Variants in TRHDE observed in about 807,000 individuals in gnomAD.
TRHDE encodes the protein thyrotropin-releasing hormone-degrading ectoenzyme.
Under a neutral mutation model 125.7 loss-of-function variants are expected in TRHDE, and 72 were observed. That is an observed-to-expected ratio of 0.57 (90% CI 0.47 to 0.70). The LOEUF (loss-of-function observed/expected upper bound fraction) is 0.70. Ranked by LOEUF, TRHDE falls within the 30% of genes least tolerant of loss-of-function variation. The pLI is 0.00. For synonymous variants in TRHDE, 509 were observed against 509.1 expected, an observed-to-expected ratio of 1.00 and a Z score of 0.00; for missense variants, 1,110 against 1,327.1, an observed-to-expected ratio of 0.84 and a Z score of 2.54.
intron 2 of TRHDE, among the ~76,000 whole-genome samples, chr12:72,108,649 GTAT>G (rs1409267122): frequency 6.6e-6 from 1 of 152,068 alleles, no homozygotes; most frequent in African/African-American, 2.4e-5. Flanking sequence ...GCAGTGACAG[GTAT>G]TTGCGAGAAC....
intron 2 of TRHDE, among the ~76,000 whole-genome samples, chr12:72,161,720 A>T (rs943894406): frequency 6.6e-6 from 1 of 152,124 alleles, no homozygotes; most frequent in Admixed American, 6.5e-5. Context: ...TAGGGAGAGG[A>T]TTGGTTTATT....
intron 2 of TRHDE, among the ~76,000 whole-genome samples, chr12:72,363,225 C>T (rs1191020271): frequency 1.3e-5 from 2 of 151,834 alleles, no homozygotes; most frequent in Non-Finnish European, 2.9e-5. Context: ...CCTTCTGAAA[C>T]TATTCCAATC....
At chr12:72,413,612 G>A (rs1873607360) in intron 3 of TRHDE, among the ~76,000 whole-genome samples, 2 of 151,422 alleles carry the variant, frequency 1.3e-5, no homozygotes, top group Admixed American at 6.6e-5. Context: ...AATGTCAATC[G>A]AGCCTATTTT....
intron 2 of TRHDE, among the ~76,000 whole-genome samples, chr12:72,134,068 T>C (rs892963545): frequency 2.0e-5 from 3 of 152,204 alleles, no homozygotes; most frequent in African/African-American, 7.2e-5. Context: ...ATTAATATCT[T>C]ATGATGGAAC....
At chr12:72,177,995 A>G (rs1391949554) in intron 2 of TRHDE, among the ~76,000 whole-genome samples, 1 of 152,164 alleles carries the variant, frequency 6.6e-6, no homozygotes, top group Non-Finnish European at 1.5e-5. Context: ...ATATGCATTT[A>G]AAAAGTGTTA....
intron 3 of TRHDE, among the ~76,000 whole-genome samples, chr12:72,460,248 T>C (rs559449508): frequency 6.6e-6 from 1 of 152,310 alleles, no homozygotes; most frequent in East Asian, 1.9e-4. Flanking sequence ...GCAAAATAGT[T>C]GCAATTATAT....
intron 7 of TRHDE, among the ~76,000 whole-genome samples, chr12:72,551,499 GTGCTAACAAAACAAAATTA>G (rs1869670182): frequency 6.6e-6 from 1 of 151,934 alleles, no homozygotes; most frequent in Admixed American, 6.6e-5. Context: ...TTAATGTTTT[GTGCTAACAAAACAAAATTA>G]TAATTTATCT....
At chr12:72,329,178 G>A (rs189037256) in intron 2 of TRHDE, among the ~76,000 whole-genome samples, 64 of 152,254 alleles carry the variant, frequency 4.2e-4, no homozygotes, top group Middle Eastern at 3.4e-3. Context: ...AGTGATTATC[G>A]TATATTGTCT....
intron 3 of TRHDE, among the ~76,000 whole-genome samples, chr12:72,379,094 C>A (rs1176173202): frequency 6.6e-6 from 1 of 152,106 alleles, no homozygotes; most frequent in African/African-American, 2.4e-5. Context: ...AAAGTGCTTA[C>A]TTGATCAAAA....
At chr12:72,500,784 G>C (rs968735097) in intron 6 of TRHDE, among the ~76,000 whole-genome samples, 1 of 150,316 alleles carries the variant, frequency 6.7e-6, no homozygotes, top group Non-Finnish European at 1.5e-5. Flanking sequence ...ATACCCTGAA[G>C]CATTTATTGT....
At chr12:72,416,239 G>A (rs1236912782) in intron 3 of TRHDE, among the ~76,000 whole-genome samples, 2 of 151,798 alleles carry the variant, frequency 1.3e-5, no homozygotes, top group Non-Finnish European at 2.9e-5. Context: ...TGAAACATTG[G>A]AATATTTGTT....
intron 2 of TRHDE, among the ~76,000 whole-genome samples, chr12:72,265,126 TA>T (rs147006670): frequency 4.9e-4 from 72 of 146,098 alleles, no homozygotes; most frequent in East Asian, 4.9e-3. Context: ...AATACAAATG[TA>T]AAAAAAAAAG....
At chr12:72,614,258 T>G (rs1872729546) in intron 12 of TRHDE, among the ~76,000 whole-genome samples, 1 of 150,958 alleles carries the variant, frequency 6.6e-6, no homozygotes, top group Non-Finnish European at 1.5e-5. Flanking sequence ...AATCAGTAAC[T>G]TCCTTTTACA....
intron 3 of TRHDE, among the ~76,000 whole-genome samples, chr12:72,461,933 T>C (rs1340453847): frequency 6.6e-6 from 1 of 152,198 alleles, no homozygotes; most frequent in African/African-American, 2.4e-5. Flanking sequence ...GACTAAGTGC[T>C]TTACATGGTA....
At chr12:72,436,571 G>C (rs185688451) in intron 3 of TRHDE, among the ~76,000 whole-genome samples, 1 of 151,736 alleles carries the variant, frequency 6.6e-6, no homozygotes, top group Non-Finnish European at 1.5e-5. Flanking sequence ...AACTTCACAG[G>C]GTTCTTATAA....
chr12:72,506,515 GC>G (rs1410086392), intron 6 of TRHDE, among the ~76,000 whole-genome samples: 1 of 152,116 alleles, frequency 6.6e-6, no homozygotes, highest in Admixed American at 6.5e-5. Context: ...AACTTGGCAT[GC>G]AGGCATTTTT....
chr12:72,242,476 T>A (rs1878501476), intron 2 of TRHDE, among the ~76,000 whole-genome samples: 1 of 152,166 alleles, frequency 6.6e-6, no homozygotes. Context: ...CAGAAATATC[T>A]TAAGGTACAG....
At chr12:72,185,082 G>A (rs1877175135) in intron 2 of TRHDE, among the ~76,000 whole-genome samples, 1 of 152,156 alleles carries the variant, frequency 6.6e-6, no homozygotes, top group Non-Finnish European at 1.5e-5. Context: ...CGGCGCTTGC[G>A]GGCCAGCTGG....
intron 2 of TRHDE, among the ~76,000 whole-genome samples, chr12:72,312,357 G>A (rs772420211): frequency 3.9e-5 from 6 of 152,060 alleles, no homozygotes; most frequent in East Asian, 3.9e-4. Context: ...AACAGGAATC[G>A]CTTTTTATTT....
Sources: allele counts gnomAD v4.1 joint callset (sites outside exome capture counted in the v4.1 genomes callset), GRCh38; gene constraint gnomAD v4.1.1; transcripts MANE v1.5; gene names NCBI Gene and HGNC (gene_info 2026-07-23, HGNC 2026-07-21).